Variants in TRPM8 observed in about 807,000 individuals in gnomAD.
TRPM8 encodes transient receptor potential cation channel subfamily M member 8.
TRPM8 carries 110 observed loss-of-function variants against 133.7 expected under a neutral mutation model. That is an observed-to-expected ratio of 0.82 (90% confidence interval 0.70 to 0.96). The LOEUF (loss-of-function observed/expected upper bound fraction) is 0.96. Ranked by LOEUF, TRPM8 falls within the 40% of genes least tolerant of loss-of-function variation. TRPM8 has a pLI of 0.00. For missense variants in TRPM8, 1,291 were observed against 1,379.5 expected, an observed-to-expected ratio of 0.94 and a Z score of 1.02; for synonymous variants, 535 against 532.3, an observed-to-expected ratio of 1.01 and a Z score of -0.07.
chr2:233,949,617 C>T (rs1691126327), intron 8 of TRPM8, among the ~76,000 whole-genome samples: 1 of 152,138 alleles, frequency 6.6e-6, no homozygotes, highest in South Asian at 2.1e-4. Context: ...TAATACATGT[C>T]ACTCAAATCT....
At chr2:233,975,705 A>G (rs1468921922) in intron 17 of TRPM8, among the ~76,000 whole-genome samples, 5 of 152,204 alleles carry the variant, frequency 3.3e-5, no homozygotes, top group African/African-American at 1.2e-4. Context: ...ACATGGCAAA[A>G]TCCCGTCTCT....
At chr2:233,947,519 T>A (rs1574712131) in intron 8 of TRPM8, 2 of 1,305,582 alleles carry the variant, frequency 1.5e-6, no homozygotes, top group East Asian at 1.1e-4. Flanking sequence ...CACACACAGA[T>A]TGCCCCCAAA....
chr2:233,981,614 C>T (rs910255454), intron 18 of TRPM8, among the ~76,000 whole-genome samples, 160 bp from the exon 19 acceptor site: 4 of 152,036 alleles, frequency 2.6e-5, no homozygotes, highest in East Asian at 1.9e-4. Flanking sequence ...GCCATGAAAG[C>T]GGAAGATCAT....
At chr2:233,976,212 G>A (rs1459102738) in intron 17 of TRPM8, among the ~76,000 whole-genome samples, 2 of 152,170 alleles carry the variant, frequency 1.3e-5, no homozygotes, top group African/African-American at 2.4e-5. Flanking sequence ...GATGAGCATC[G>A]GCAAGCAGCA....
intron 1 of TRPM8, among the ~76,000 whole-genome samples, chr2:233,924,959 T>C (rs1207054350): frequency 6.6e-6 from 1 of 152,154 alleles, no homozygotes; most frequent in African/African-American, 2.4e-5. Context: ...TTTTAAACAG[T>C]CTAGACCAAC....
chr2:233,950,922 TGG>T (rs1691158221), intron 9 of TRPM8, among the ~76,000 whole-genome samples: 1 of 152,216 alleles, frequency 6.6e-6, no homozygotes, highest in Non-Finnish European at 1.5e-5. Flanking sequence ...TAAACAGGGC[TGG>T]GTGCAATGAC....
chr2:233,985,523 G>A (rs1257065819), intron 20 of TRPM8, among the ~76,000 whole-genome samples, 165 bp from the exon 21 acceptor site: 6 of 152,200 alleles, frequency 3.9e-5, no homozygotes, highest in Admixed American at 3.9e-4. Context: ...GCATTGAGTG[G>A]ATGAACAGGT....
chr2:233,971,130 G>A (rs1221980647), intron 17 of TRPM8, among the ~76,000 whole-genome samples: 1 of 152,184 alleles, frequency 6.6e-6, no homozygotes, highest in African/African-American at 2.4e-5. Context: ...TACTGTTGTT[G>A]TCGTCACTGT....
In TRPM8 at chr2:233,981,906, G is replaced by T. The variant is rs1692019016; in HGVS notation, c.2580G>T (p.Leu860=). 6.2e-7 allele frequency: 1 copy of T among 1,608,792 alleles called. No individual in the cohort carries two copies. Among genetic ancestry groups the T allele is most frequent in the African/African-American group, 1.3e-5 (1 of 74,686 alleles). Residue 860 remains leucine, a synonymous_variant, in exon 19 of 26, where the codon CTG becomes CTT. Coordinates refer to ENST00000324695, the MANE Select transcript of TRPM8 (RefSeq NM_024080.5). ...SRNLGPKIIM[L]QRMLIDVFFF... is the part of the protein sequence containing the mutation. ...ACTTAGGACCCAAGATTATAATGCT[G>T]CAGAGGATGGTAAGAGTCAAGAATA...
At chr2:233,973,704 G>A (rs1691791561) in intron 17 of TRPM8, among the ~76,000 whole-genome samples, 2 of 152,216 alleles carry the variant, frequency 1.3e-5, no homozygotes, top group African/African-American at 4.8e-5. Flanking sequence ...TCTCTTAGCT[G>A]CCATCCTACT....
intron 2 of TRPM8, among the ~76,000 whole-genome samples, chr2:233,927,484 TTG>T (rs1317064300): frequency 6.6e-6 from 1 of 152,172 alleles, no homozygotes; most frequent in Non-Finnish European, 1.5e-5. Flanking sequence ...GCCCCTGCAC[TTG>T]CATGCCTTGG....
At chr2:233,977,213 T>G (rs1421084034) in intron 17 of TRPM8, among the ~76,000 whole-genome samples, 2 of 152,114 alleles carry the variant, frequency 1.3e-5, no homozygotes, top group African/African-American at 4.8e-5. Flanking sequence ...TGGGGATGTT[T>G]ATTTAAAATG....
At chr2:233,947,199 A>C (rs202092511) in intron 8 of TRPM8, 44 bp downstream of exon 8, 8 of 1,608,872 alleles carry the variant, frequency 5.0e-6, no homozygotes, top group Non-Finnish European at 6.8e-6. Flanking sequence ...TAATAAGCCT[A>C]TCCAACAAAT....
intron 9 of TRPM8, among the ~76,000 whole-genome samples, chr2:233,951,323 A>C (rs1220191179): frequency 6.6e-6 from 1 of 152,248 alleles, no homozygotes; most frequent in Non-Finnish European, 1.5e-5. Flanking sequence ...TATTGATTGC[A>C]TATTGACTGC....
At chr2:233,955,328 C>A in intron 11 of TRPM8, 78 bp downstream of exon 11, 2 of 1,002,562 alleles carry the variant, frequency 2.0e-6, no homozygotes, top group Admixed American at 1.9e-5. Context: ...CCATTTCCAA[C>A]AAGGTCTTCA....
In TRPM8 at chr2:234,018,552, AATATT is replaced by A. The variant is rs1247659520; in HGVS notation, c.*1302_*1306del. 6.6e-6 allele frequency: 1 copy of A among 152,046 alleles called. No homozygotes were observed. Among genetic ancestry groups the A allele is most frequent in the African/African-American group, 2.4e-5 (1 of 41,424 alleles). The allele number at this position is 152,046 out of a possible 1,614,324, so 9.4% of individuals were successfully genotyped here. A position where few individuals can be genotyped will look rare whatever the true frequency, so the allele number is the denominator to read the frequency against. On this transcript the variant is annotated 3_prime_UTR_variant, in exon 26 of 26. Transcript: ENST00000324695. ...ACATGAACCTGAACTATTAAAATAA[AATATT>A]ATATTTAACCCTTAGTTTAAGAAGA...
intron 1 of TRPM8, among the ~76,000 whole-genome samples, chr2:233,918,030 A>G (rs953454053): frequency 2.0e-5 from 3 of 152,204 alleles, no homozygotes; most frequent in African/African-American, 7.2e-5. Context: ...GAAGGGCTGG[A>G]TGAATAATTA....
chr2:233,931,144 T>C (rs1291674032), intron 3 of TRPM8, among the ~76,000 whole-genome samples: 1 of 152,202 alleles, frequency 6.6e-6, no homozygotes, highest in Non-Finnish European at 1.5e-5. Flanking sequence ...ACTTTAGGTC[T>C]TTCCTTCTAA....
rs1574706636 is a variant in TRPM8 at position 233,942,410 on chromosome 2, G to A, written c.527-166G>A. ...TGTATTTTTAAGTGAACACCTCTCA[G>A]GAGAACTGTCTGAGGTCCCCTCTCC... is the stretch of plus-strand genomic sequence containing the variant. On this transcript the variant is annotated intron_variant, in intron 5 of 25. Coordinates refer to ENST00000324695, the MANE Select transcript of TRPM8 (RefSeq NM_024080.5). Among the ~76,000 whole-genome samples the A allele has an allele frequency of 2.0e-5, 3 of 152,268 alleles. No homozygotes were observed. In the East Asian group the frequency reaches 5.8e-4, roughly 29 times the overall value.
Sources: allele counts gnomAD v4.1 joint callset (sites outside exome capture counted in the v4.1 genomes callset), GRCh38; gene constraint gnomAD v4.1.1; transcripts MANE v1.5; gene names NCBI Gene and HGNC (gene_info 2026-07-23, HGNC 2026-07-21).